CTNNA2: variants seen among roughly 807,000 people sequenced by gnomAD.
The protein encoded by CTNNA2 is catenin alpha-2.
A neutral mutation model predicts 101.0 loss-of-function variants in CTNNA2; 42 were observed. The observed-to-expected ratio is 0.42, with a 90% confidence interval of 0.32 to 0.54. The LOEUF (loss-of-function observed/expected upper bound fraction) is 0.54. Ranked by LOEUF, CTNNA2 falls within the 20% of genes least tolerant of loss-of-function variation. The pLI, the probability that CTNNA2 is intolerant of heterozygous loss-of-function variation, is 0.14. For missense variants in CTNNA2, 871 were observed against 1,223.1 expected, an observed-to-expected ratio of 0.71 and a Z score of 4.29; for synonymous variants, 450 against 456.4, an observed-to-expected ratio of 0.99 and a Z score of 0.18.
At chr2:80,121,084 T>G (rs972755050) in intron 7 of CTNNA2, among the ~76,000 whole-genome samples, 2 of 152,242 alleles carry the variant, frequency 1.3e-5, no homozygotes, top group Non-Finnish European at 2.9e-5. Flanking sequence ...TTCCCAATTC[T>G]GATTTTGTCT....
Position 80,584,574 on chromosome 2 carries a change from A to G in CTNNA2, c.2007+2755A>G, listed in dbSNP as rs10490508. Among the ~76,000 whole-genome samples the G allele has an allele frequency of 7.4e-3, 1,120 of 152,128 alleles. 8 individuals carry two copies. Among genetic ancestry groups the G allele is most frequent in the African/African-American group, 0.024 (1,003 of 41,504 alleles). ...TTCTCCACAGTCTGGCATAGTTAAA[A>G]TAGGTTAGTGACAATTGCTAGGCAC... On this transcript the variant is annotated intron_variant, in intron 14 of 18. Transcript: ENST00000402739.
At chr2:80,620,105 T>A (rs3770363) in intron 18 of CTNNA2, among the ~76,000 whole-genome samples, 1 of 151,608 alleles carries the variant, frequency 6.6e-6, no homozygotes, top group African/African-American at 2.4e-5. Flanking sequence ...GTGGTTGACT[T>A]TTTAAGGGAT....
At position 80,005,773 on chromosome 2, in the gene CTNNA2, G is replaced by GTTT. The variant is rs34388865; in HGVS notation, c.1056+95986_1056+95988dup. Among the ~76,000 whole-genome samples the GTTT allele has an allele frequency of 9.6e-4, 141 of 147,528 alleles. 1 individual carries two copies. Among genetic ancestry groups the GTTT allele is most frequent in the South Asian group, 4.5e-3 (21 of 4,672 alleles). On this transcript the variant is annotated intron_variant, in intron 7 of 18. Transcript: ENST00000402739. ...CTCAAGTTTATCACTATGTTTATTT[G>GTTT]TTTTTTTTTTTTAAACAAGCACAGC...
intron 9 of CTNNA2, among the ~76,000 whole-genome samples, chr2:80,512,788 C>A (rs962015685): frequency 6.6e-6 from 1 of 151,678 alleles, no homozygotes; most frequent in African/African-American, 2.4e-5. Context: ...CTTTTTAAAA[C>A]ATTCTTTCCC....
chr2:80,551,761 A>G (rs1692574845), intron 11 of CTNNA2, among the ~76,000 whole-genome samples: 1 of 152,162 alleles, frequency 6.6e-6, no homozygotes, highest in South Asian at 2.1e-4. Context: ...CTTTCTCCAT[A>G]TTAGCAATAA....
chr2:79,547,404 G>C (rs1673806455), intron 1 of CTNNA2: 1 of 152,282 alleles, frequency 6.6e-6, no homozygotes, highest in South Asian at 2.1e-4. Flanking sequence ...TCATATGATT[G>C]CTCTCTTTCT....
chr2:79,544,934 A>G (rs765506584), intron 1 of CTNNA2, among the ~76,000 whole-genome samples: 2 of 152,272 alleles, frequency 1.3e-5, no homozygotes, highest in African/African-American at 2.4e-5. Flanking sequence ...TCTGTGCCCA[A>G]TTGGAGCATA....
chr2:79,823,644 C>T (rs1274803876), intron 3 of CTNNA2, among the ~76,000 whole-genome samples: 1 of 152,170 alleles, frequency 6.6e-6, no homozygotes, highest in African/African-American at 2.4e-5. Flanking sequence ...ATTCTGTGGT[C>T]AAACTCTATT....
intron 7 of CTNNA2, among the ~76,000 whole-genome samples, chr2:80,322,444 A>G (rs1678792228): frequency 6.6e-6 from 1 of 152,170 alleles, no homozygotes; most frequent in African/African-American, 2.4e-5. Flanking sequence ...TGTCATAGTA[A>G]CACACAATTC....
At chr2:80,622,566 C>A (rs759614331) in intron 18 of CTNNA2, among the ~76,000 whole-genome samples, 27 of 151,842 alleles carry the variant, frequency 1.8e-4, no homozygotes, top group Non-Finnish European at 2.9e-4. Flanking sequence ...CTAAGTAAAA[C>A]TGAACATGAT....
At chr2:80,340,001 C>T (rs748928134) in intron 7 of CTNNA2, among the ~76,000 whole-genome samples, 2 of 152,144 alleles carry the variant, frequency 1.3e-5, no homozygotes, top group African/African-American at 4.8e-5. Flanking sequence ...ACAGTGGTGG[C>T]CATTGTGCTT....
At chr2:80,263,510 CT>C in intron 7 of CTNNA2, among the ~76,000 whole-genome samples, 1 of 151,966 alleles carries the variant, frequency 6.6e-6, no homozygotes. Context: ...AATTTTCTGT[CT>C]TTTTAGTACA....
intron 7 of CTNNA2, among the ~76,000 whole-genome samples, chr2:80,169,091 G>A (rs1704882505): frequency 6.6e-6 from 1 of 152,186 alleles, no homozygotes; most frequent in South Asian, 2.1e-4. Context: ...CCACACTATG[G>A]GTACCAAGGC....
chr2:79,844,957 G>A (rs1285726294), intron 3 of CTNNA2, among the ~76,000 whole-genome samples: 1 of 102,228 alleles, frequency 9.8e-6, no homozygotes, highest in Non-Finnish European at 2.1e-5. Flanking sequence ...TGCCATGGGA[G>A]GGATAAAGAA....
At chr2:79,428,915 C>T (rs1330433107) in intron 4 of CTNNA2, among the ~76,000 whole-genome samples, 1 of 152,066 alleles carries the variant, frequency 6.6e-6, no homozygotes, top group Non-Finnish European at 1.5e-5. Context: ...TCAATGATCC[C>T]AGTGAGAAGA....
At chr2:79,522,618 G>A (rs1672179835) in intron 1 of CTNNA2, among the ~76,000 whole-genome samples, 1 of 152,158 alleles carries the variant, frequency 6.6e-6, no homozygotes, top group Admixed American at 6.5e-5. Flanking sequence ...TTCAGATTCA[G>A]TCCTGTCTTG....
intron 2 of CTNNA2, among the ~76,000 whole-genome samples, chr2:79,724,828 AAAAAAAAAGG>A (rs1211248947): frequency 6.6e-6 from 1 of 151,514 alleles, no homozygotes; most frequent in Admixed American, 6.6e-5. Context: ...AAAAAAAAAA[AAAAAAAAAGG>A]AAAAGAAAAA....
chr2:79,933,460 T>C (rs1338427444), intron 7 of CTNNA2, among the ~76,000 whole-genome samples: 1 of 89,826 alleles, frequency 1.1e-5, no homozygotes, highest in Non-Finnish European at 2.2e-5. Context: ...GGTATTCTCT[T>C]TTTTTTTTTT....
At chr2:80,203,373 G>A (rs1207048889) in intron 7 of CTNNA2, among the ~76,000 whole-genome samples, 2 of 152,170 alleles carry the variant, frequency 1.3e-5, no homozygotes, top group East Asian at 1.9e-4. Context: ...AAGCAAGTTA[G>A]TTACTTCCTA....
Sources: gnomAD v4.1 joint callset for allele counts (sites outside exome capture counted in the v4.1 genomes callset) on GRCh38, gnomAD v4.1.1 for gene constraint, MANE v1.5 for transcripts, NCBI Gene and HGNC (gene_info 2026-07-23, HGNC 2026-07-21) for gene names.